The following UBR7 variants were observed in gnomAD, a reference collection of about 807,000 sequenced individuals.
UBR7 encodes ubiquitin protein ligase E3 component n-recognin 7.
UBR7 carries 22 observed loss-of-function variants against 57.0 expected under a neutral mutation model. That is an observed-to-expected ratio of 0.39 (90% CI 0.28 to 0.55). UBR7 has a LOEUF of 0.55. Among genes scored for constraint, UBR7 ranks in the 20% least tolerant of loss-of-function variants. The probability of loss-of-function intolerance (pLI) is 0.69; values close to 1 mark genes in which losing one functional copy is unlikely to be tolerated. For synonymous variants in UBR7, 167 were observed against 179.8 expected (o/e 0.93, Z 0.57); for missense variants, 395 against 513.2 (o/e 0.77, Z 2.23).
intron 10 of UBR7, among the ~76,000 whole-genome samples, chr14:93,224,478 A>T (rs367925877): frequency 2.8e-5 from 4 of 142,732 alleles, no homozygotes; most frequent in South Asian, 4.3e-4. Flanking sequence ...TCCCAGGTTC[A>T]TGTCATTCTC....
At chr14:93,214,847 GTATCT>G (rs1894558115) in intron 4 of UBR7, 77 bp from the exon 5 acceptor site, 1 of 1,214,400 alleles carries the variant, frequency 8.2e-7, no homozygotes, top group African/African-American at 1.5e-5. Context: ...CAAATATTTA[GTATCT>G]TATTTTACTG....
At chr14:93,226,786 C>T (rs1894860691) in intron 10 of UBR7, among the ~76,000 whole-genome samples, 157 bp from the exon 11 acceptor site, 2 of 136,102 alleles carry the variant, frequency 1.5e-5, no homozygotes, top group Admixed American at 7.3e-5. Flanking sequence ...GAGCGACACT[C>T]CATCTCAAAA....
At chr14:93,224,461 C>T (rs900551801) in intron 10 of UBR7, among the ~76,000 whole-genome samples, 4 of 145,564 alleles carry the variant, frequency 2.7e-5, no homozygotes, top group Non-Finnish European at 5.9e-5. Context: ...TCACTGCAAC[C>T]TGTGCCTCCC....
intron 6 of UBR7, among the ~76,000 whole-genome samples, chr14:93,216,619 C>CTTTT (rs113180560): frequency 7.1e-6 from 1 of 140,752 alleles, no homozygotes. Context: ...GTTTTTCTGC[C>CTTTT]TTTTTTTTTT....
At chr14:93,222,742 CAA>C (rs60856068) in intron 10 of UBR7, among the ~76,000 whole-genome samples, 1 of 138,732 alleles carries the variant, frequency 7.2e-6, no homozygotes. Flanking sequence ...GACCCTATTT[CAA>C]AAAAAAAAAA....
At position 93,212,116 on chromosome 14, in the gene UBR7, C is replaced by T; in HGVS notation, c.430C>T (p.Pro144Ser). ...YCICKRPYPD[P>S]EDEIPDEMIQ... ...CATTTGCAAGAGACCTTATCCTGAT[C>T]CTGAAGACGAGGTAAGAGAATTGGA... is the stretch of plus-strand genomic sequence containing the variant. The change falls in exon 4 of 11, where the codon CCT (proline) becomes TCT (serine). Residue 144 changes from proline to serine, a missense_variant. Coordinates refer to ENST00000013070, the MANE Select transcript of UBR7 (RefSeq NM_175748.4). The T allele has an allele frequency of 6.2e-7, 1 of 1,611,310 alleles. No individual in the cohort carries two copies. The highest frequency in any genetic ancestry group is 8.5e-7 in the Non-Finnish European group (1 of 1,178,260).
At chr14:93,218,764 A>G in intron 7 of UBR7, 29 bp downstream of exon 7, 1 of 1,606,348 alleles carries the variant, frequency 6.2e-7, no homozygotes, top group South Asian at 1.1e-5. Context: ...GCCATCAAGA[A>G]ATAAGACTGG....
chr14:93,220,222 C>CTT lies in UBR7; in HGVS notation c.961-10_961-9dup, dbSNP rs528210789. 6.4e-3 allele frequency: 9,197 copies of CTT among 1,443,282 alleles called. 2 individuals carry two copies. The highest frequency in any genetic ancestry group is 0.011 in the South Asian group (893 of 78,880). 89.4% of individuals were successfully genotyped at this position (1,443,282 alleles called of 1,614,324 possible). A position where few individuals can be genotyped will look rare whatever the true frequency, so the allele number is the denominator to read the frequency against. On this transcript the variant is annotated intron_variant, in intron 8 of 10. Transcript: ENST00000013070. Reference sequence around the variant, plus strand: ...AGTTCTAATGGGGAAACTCCTCTTTCTTTTTTTTTTTTTTTTTTCCCTAAA... The same window carrying CTT: ...AGTTCTAATGGGGAAACTCCTCTTTCTTTTTTTTTTTTTTTTTTTTCCCTAAA...
intron 10 of UBR7, chr14:93,223,450 C>G: frequency 2.2e-6 from 1 of 457,570 alleles, no homozygotes; most frequent in Non-Finnish European, 3.9e-6. Flanking sequence ...GTAGTTTCAG[C>G]TACTTGGGAG....
rs1223002091 is a variant in UBR7, at chr14:93,207,451, C to T, written c.150+10C>T. On this transcript the variant is annotated intron_variant, in intron 1 of 10. Coordinates refer to ENST00000013070, the MANE Select transcript of UBR7 (RefSeq NM_175748.4). ...GTGCTCCTACTCTCAGGTGGGCGCGCGGCCCGGGCCTCCTCTCCCCCGGCT... is the reference window on the plus strand; with the variant it reads ...GTGCTCCTACTCTCAGGTGGGCGCGTGGCCCGGGCCTCCTCTCCCCCGGCT... The T allele has an allele frequency of 6.5e-7, 1 of 1,541,594 alleles. No homozygotes were observed. The highest frequency in any genetic ancestry group is 8.7e-7 in the Non-Finnish European group (1 of 1,146,030).
In UBR7 at chr14:93,227,410, A is replaced by G. The variant is rs1376460218; in HGVS notation, c.*375A>G. On this transcript the variant is annotated 3_prime_UTR_variant, in exon 11 of 11. Transcript: ENST00000013070. ...TGCCACAGAGCTGTTGCCTTCCAGA[A>G]CCTCCTCCGCAGGCATCACGGAAGG... 1.2e-5 allele frequency: 8 copies of G among 662,590 alleles called. No homozygotes were observed. The highest frequency in any genetic ancestry group is 1.9e-5 in the Non-Finnish European group (7 of 361,668). The allele number at this position is 662,590 out of a possible 1,614,324, so 41.0% of individuals were successfully genotyped here.
intron 2 of UBR7, 52 bp from the exon 3 acceptor site, chr14:93,210,596 A>T: frequency 6.7e-7 from 1 of 1,487,878 alleles, no homozygotes; most frequent in Non-Finnish European, 9.2e-7. Flanking sequence ...AGAAATTTTA[A>T]ATTGGATTTT....
intron 6 of UBR7, 110 bp from the exon 7 acceptor site, chr14:93,218,417 A>AT (rs1894633984): frequency 9.8e-7 from 1 of 1,024,230 alleles, no homozygotes; most frequent in Non-Finnish European, 1.5e-6. Context: ...TCTGTAAAAA[A>AT]AAAAAATAAT....
At chr14:93,214,278 C>G (rs1354571507) in intron 4 of UBR7, among the ~76,000 whole-genome samples, 1 of 152,150 alleles carries the variant, frequency 6.6e-6, no homozygotes, top group Non-Finnish European at 1.5e-5. Context: ...CCTCCTGTTC[C>G]ACAATATGTG....
chr14:93,227,178 G>A lies in UBR7; in HGVS notation c.*143G>A. ...CGCGCTCCCTTCATTCTCTTTAGCT[G>A]CAGTAGCCACCGTGTGGATGCTGAC... On this transcript the variant is annotated 3_prime_UTR_variant, in exon 11 of 11. Transcript: ENST00000013070. The A allele has an allele frequency of 1.5e-6, 1 of 665,694 alleles. No homozygotes were observed. Among genetic ancestry groups the A allele is most frequent in the East Asian group, 3.1e-5 (1 of 32,102 alleles). 41.2% of individuals were successfully genotyped at this position (665,694 alleles called of 1,614,324 possible).
chr14:93,223,683 T>C (rs1434373244), intron 10 of UBR7: 8 of 1,251,840 alleles, frequency 6.4e-6, no homozygotes, highest in Non-Finnish European at 9.1e-6. Context: ...AAACTTGATC[T>C]TGGAGTCGTG....
Position 93,218,583 on chromosome 14 carries a change from G to A in UBR7, c.658G>A (p.Asp220Asn). The change falls in exon 7 of 11, where the codon GAT becomes AAT. Residue 220 changes from aspartate to asparagine, a missense_variant. Physicochemically the swap from Asp to Asn is conservative, Grantham distance 23. Transcript: ENST00000013070. Reference sequence around the variant, plus strand: ...GGTGCGGAACATTGATGGAATAGGTGATCAGGAAGTTATCAAACCTGAAAA... The same window carrying A: ...GGTGCGGAACATTGATGGAATAGGTAATCAGGAAGTTATCAAACCTGAAAA... ...GLVRNIDGIG[D>N]QEVIKPENGE... The A allele has an allele frequency of 6.2e-7, 1 of 1,614,082 alleles. No individual in the cohort carries two copies. Among genetic ancestry groups the A allele is most frequent in the Non-Finnish European group, 8.5e-7 (1 of 1,180,030 alleles).
chr14:93,215,738 G>T (rs980605950), intron 6 of UBR7, among the ~76,000 whole-genome samples: 1 of 151,240 alleles, frequency 6.6e-6, no homozygotes, highest in African/African-American at 2.4e-5. Flanking sequence ...TCTCCACAAG[G>T]TGCATAGATT....
chr14:93,213,732 A>G (rs991351045), intron 4 of UBR7, among the ~76,000 whole-genome samples: 4 of 152,006 alleles, frequency 2.6e-5, no homozygotes, highest in Non-Finnish European at 5.9e-5. Flanking sequence ...TCCTCAGTCC[A>G]TGTTTTGATT....
Sources: gnomAD v4.1 joint callset for allele counts (sites outside exome capture counted in the v4.1 genomes callset) on GRCh38, gnomAD v4.1.1 for gene constraint, MANE v1.5 for transcripts, NCBI Gene and HGNC (gene_info 2026-07-23, HGNC 2026-07-21) for gene names.